UNC13C: variants seen among roughly 807,000 people sequenced by gnomAD.
UNC13C encodes the protein protein unc-13 homolog C.
UNC13C carries 174 observed loss-of-function variants against 245.4 expected under a neutral mutation model. That is an observed-to-expected ratio of 0.71 (90% CI 0.63 to 0.80). The LOEUF (loss-of-function observed/expected upper bound fraction) is 0.80, where lower values mean the gene tolerates loss of function less well. Among genes scored for constraint, UNC13C ranks in the 30% least tolerant of loss-of-function variants. The pLI is 0.00. For synonymous variants in UNC13C, 992 were observed against 895.1 expected (o/e 1.11, Z -1.93); for missense variants, 2,829 against 2,602.9 (o/e 1.09, Z -1.89).
chr15:54,083,522 C>T (rs1899068909), intron 2 of UNC13C, among the ~76,000 whole-genome samples: 1 of 152,304 alleles, frequency 6.6e-6, no homozygotes, highest in East Asian at 1.9e-4. Flanking sequence ...CATGTGTCAG[C>T]CCCCAGTGGG....
At chr15:54,045,855 A>G (rs1348694495) in intron 2 of UNC13C, among the ~76,000 whole-genome samples, 1 of 152,182 alleles carries the variant, frequency 6.6e-6, no homozygotes. Context: ...TTGCAAAATG[A>G]TGGTTTTTCT....
At chr15:53,936,793 C>A in the UNC13C span, among the ~76,000 whole-genome samples, 1 of 152,158 alleles carries the variant, frequency 6.6e-6, no homozygotes, top group Non-Finnish European at 1.5e-5. Flanking sequence ...TGGTTGCTAA[C>A]AGTCAGTGGC....
intron 28 of UNC13C, among the ~76,000 whole-genome samples, chr15:54,552,466 TACA>T (rs1285342382): frequency 0.04 from 480 of 11,954 alleles, 18 homozygotes; most frequent in Admixed American, 0.049. Context: ...AATTATATAT[TACA>T]ATATATAATA....
At chr15:53,996,832 GT>G (rs61341886) in intron 1 of UNC13C, among the ~76,000 whole-genome samples, 2,235 of 143,564 alleles carry the variant, frequency 0.016, 60 homozygotes, top group African/African-American at 0.053. Flanking sequence ...CTCCTGATGG[GT>G]TTTTTTTTTT....
At chr15:53,851,240 T>C in the UNC13C span, among the ~76,000 whole-genome samples, 1 of 152,176 alleles carries the variant, frequency 6.6e-6, no homozygotes, top group South Asian at 2.1e-4. Context: ...TTTTAAATTT[T>C]CCATTTCTGA....
intron 8 of UNC13C, among the ~76,000 whole-genome samples, chr15:54,258,205 A>G (rs1368437830): frequency 1.3e-5 from 2 of 151,974 alleles, no homozygotes. Flanking sequence ...TTTTAAGCTC[A>G]AATTTCTTTT....
chr15:53,843,892 A>G, the UNC13C span, among the ~76,000 whole-genome samples: 3 of 152,206 alleles, frequency 2.0e-5, no homozygotes, highest in African/African-American at 7.2e-5. Context: ...AATATTAAAA[A>G]GTGGGCATTG....
chr15:54,628,796 G>A (rs1901363165), downstream of UNC13C: 1 of 145,804 alleles, frequency 6.9e-6, no homozygotes, highest in African/African-American at 2.7e-5. Context: ...TGGCGAGGTT[G>A]TGAAGAAAAA....
At chr15:54,000,160 T>C (rs1894819249) in intron 1 of UNC13C, among the ~76,000 whole-genome samples, 1 of 152,084 alleles carries the variant, frequency 6.6e-6, no homozygotes, top group South Asian at 2.1e-4. Flanking sequence ...CCTCCTAAAA[T>C]AGAGTCTTAA....
At chr15:54,247,551 G>C (rs142624034) in intron 7 of UNC13C, among the ~76,000 whole-genome samples, 2 of 152,004 alleles carry the variant, frequency 1.3e-5, no homozygotes, top group African/African-American at 2.4e-5. Context: ...TTTCAGCTTT[G>C]ATAAATACAT....
At chr15:54,142,988 T>G (rs777163383) in intron 2 of UNC13C, 30 bp from the exon 3 acceptor site, 1 of 1,606,484 alleles carries the variant, frequency 6.2e-7, no homozygotes, top group Non-Finnish European at 8.5e-7. Context: ...CATCTAACAT[T>G]TATCCCTTCT....
At chr15:53,863,789 G>A in the UNC13C span, among the ~76,000 whole-genome samples, 1 of 152,172 alleles carries the variant, frequency 6.6e-6, no homozygotes, top group Admixed American at 6.5e-5. Context: ...CACTATTCCA[G>A]CATGTGCTTA....
chr15:54,541,499 A>G (rs1016854795), intron 26 of UNC13C, among the ~76,000 whole-genome samples: 16 of 152,106 alleles, frequency 1.1e-4, no homozygotes, highest in African/African-American at 3.9e-4. Context: ...AGTATATTTA[A>G]TAGATACTTA....
intron 13 of UNC13C, among the ~76,000 whole-genome samples, chr15:54,318,086 G>A (rs1370927594): frequency 6.6e-6 from 1 of 151,848 alleles, no homozygotes; most frequent in East Asian, 1.9e-4. Flanking sequence ...TGACTGAACA[G>A]TATTCTCTGA....
At chr15:54,091,764 C>CTT (rs11397201) in intron 2 of UNC13C, among the ~76,000 whole-genome samples, 21 of 151,450 alleles carry the variant, frequency 1.4e-4, no homozygotes, top group African/African-American at 2.7e-4. Context: ...TCAATTGATA[C>CTT]TTTTTTTTAA....
the UNC13C span, among the ~76,000 whole-genome samples, chr15:53,937,555 G>GA: frequency 2.6e-5 from 4 of 152,148 alleles, no homozygotes; most frequent in African/African-American, 9.7e-5. Flanking sequence ...TACTCCATGA[G>GA]AAGATCAACC....
At chr15:54,201,847 C>T (rs1186807186) in intron 4 of UNC13C, among the ~76,000 whole-genome samples, 1 of 151,802 alleles carries the variant, frequency 6.6e-6, no homozygotes, top group Non-Finnish European at 1.5e-5. Context: ...TAAGGGGCAT[C>T]CGAATTGGTA....
intron 19 of UNC13C, among the ~76,000 whole-genome samples, chr15:54,428,000 A>G (rs566570331): frequency 4.3e-4 from 65 of 151,946 alleles, no homozygotes; most frequent in Middle Eastern, 6.8e-3. Context: ...GAAGACCAGA[A>G]TAATTTTCTT....
intron 29 of UNC13C, among the ~76,000 whole-genome samples, chr15:54,567,386 A>C (rs1276018106): frequency 6.6e-6 from 1 of 152,104 alleles, no homozygotes; most frequent in Non-Finnish European, 1.5e-5. Context: ...TATCTGGAAA[A>C]TATGTGGCCG....
Sources: gnomAD v4.1 joint callset for allele counts (sites outside exome capture counted in the v4.1 genomes callset) on GRCh38, gnomAD v4.1.1 for gene constraint, MANE v1.5 for transcripts, NCBI Gene and HGNC (gene_info 2026-07-23, HGNC 2026-07-21) for gene names.